Variants in DNAAF8 observed in about 807,000 individuals in gnomAD.
DNAAF8 encodes dynein axonemal assembly factor 8.
In DNAAF8, 61 loss-of-function variants were observed where a neutral mutation model predicts 54.6. The observed-to-expected ratio is 1.12, with a 90% CI of 0.91 to 1.38. DNAAF8 has a LOEUF of 1.38. DNAAF8 is among the 40% of genes most tolerant of loss of function. The probability of loss-of-function intolerance (pLI) is 0.00; values close to 1 mark genes in which losing one functional copy is unlikely to be tolerated. For missense variants in DNAAF8, 837 were observed against 665.0 expected (o/e 1.26, Z -2.85); for synonymous variants, 320 against 270.1 (o/e 1.18, Z -1.81).
Position 4,747,684 on chromosome 16 carries a change from C to T in DNAAF8, c.*9+50C>T, listed in dbSNP as rs185132079. On this transcript the variant is annotated intron_variant, in intron 9 of 9. Coordinates refer to ENST00000299320, the MANE Select transcript of DNAAF8 (RefSeq NM_139170.3). ...GGGGCGGGCTGACTTGCCATGGACCCTGGGCCCCGGTGTCCCCTTGTTGTT... is the reference window on the plus strand; with the variant it reads ...GGGGCGGGCTGACTTGCCATGGACCTTGGGCCCCGGTGTCCCCTTGTTGTT... 496 of 1,524,122 alleles carry T rather than the reference C, an allele frequency of 3.3e-4. 3 individuals are homozygous for T. The African/African-American group carries it at 6.1e-3, about 19-fold the overall frequency. 94.4% of individuals were successfully genotyped at this position (1,524,122 alleles called of 1,614,324 possible).
chr16:4,740,724 A>T, intron 4 of DNAAF8, 65 bp downstream of exon 4: 1 of 1,479,252 alleles, frequency 6.8e-7, no homozygotes. Context: ...TGCTGTTCCC[A>T]TGCACTGGAG....
chr16:4,744,814 T>C, intron 5 of DNAAF8, 56 bp from the exon 6 acceptor site: 2 of 1,564,914 alleles, frequency 1.3e-6, no homozygotes, highest in South Asian at 2.2e-5. Context: ...CCAGCTGCTG[T>C]AAGTCACAAG....
At chr16:4,745,936 G>C (rs1405888218) in intron 6 of DNAAF8, among the ~76,000 whole-genome samples, 2 of 134,946 alleles carry the variant, frequency 1.5e-5, no homozygotes, top group African/African-American at 2.7e-5. Context: ...CTGGGCGACA[G>C]AGCAAGACTC....
At position 4,737,950 on chromosome 16, in the gene DNAAF8, T is replaced by C. The variant is rs893682173; in HGVS notation, c.276+4T>C. 6.2e-7 allele frequency: 1 copy of C among 1,614,068 alleles called. No homozygotes were observed. Among genetic ancestry groups the C allele is most frequent in the African/African-American group, 1.3e-5 (1 of 75,056 alleles). On this transcript the variant is annotated splice_donor_region_variant and intron_variant, in intron 3 of 9. Transcript: ENST00000299320. ...AGCTGAAGAGTCCCTTCCCGAGGTC[T>C]GTGGGACACAGAAGAGTATACGCCT...
Position 4,747,527 on chromosome 16 carries a change from C to T in DNAAF8, c.1465C>T (p.Gln489Ter), listed in dbSNP as rs753925662. 2 of 1,613,118 alleles carry T rather than the reference C, an allele frequency of 1.2e-6. No individual in the cohort carries two copies. Among genetic ancestry groups the T allele is most frequent in the Non-Finnish European group, 1.7e-6 (2 of 1,179,884 alleles). Reference protein sequence around the residue: ...MKLCAKGQSAQARLPRGRPRA... With the variant: ...MKLCAKGQSA The stretch of plus-strand genomic sequence containing the variant: ...GCTCTGTGCCAAGGGGCAGAGCGCC[C>T]AGGCTCGACTCCCAAGAGGCAGGCC... Residue 489 changes from glutamine (Q) to a stop codon, truncating the protein, a stop_gained, in exon 9 of 10, where the codon CAG (glutamine) becomes TAG (stop). Transcript: ENST00000299320. LOFTEE classifies it high-confidence loss of function.
At chr16:4,742,034 A>G (rs1460428049) in intron 4 of DNAAF8, among the ~76,000 whole-genome samples, 1 of 152,098 alleles carries the variant, frequency 6.6e-6, no homozygotes, top group Non-Finnish European at 1.5e-5. Flanking sequence ...CTAAAAACTT[A>G]TTTTTCTCCA....
At chr16:4,746,270 A>G (rs2082016455) in intron 6 of DNAAF8, 105 bp from the exon 7 acceptor site, 4 of 1,236,836 alleles carry the variant, frequency 3.2e-6, no homozygotes. Flanking sequence ...GAGAGTGGGC[A>G]CTCACTGGGT....
In DNAAF8 at chr16:4,746,842, C is replaced by T. The variant is rs2082023397; in HGVS notation, c.1182-85C>T. The stretch of plus-strand genomic sequence containing the variant: ...CTGACCTCTTGCATTGGGTCACCAG[C>T]AAAGCCCGAGTGCTTCAAGCCCCAA... On this transcript the variant is annotated intron_variant, in intron 7 of 9. Coordinates refer to ENST00000299320, the MANE Select transcript of DNAAF8 (RefSeq NM_139170.3). 7 of 1,289,836 alleles carry T rather than the reference C, an allele frequency of 5.4e-6. No homozygotes were observed. The East Asian group carries it at 1.9e-4, about 34-fold the overall frequency. The allele number at this position is 1,289,836 out of a possible 1,614,324, so 79.9% of individuals were successfully genotyped here.
Position 4,740,237 on chromosome 16 carries a change from A to G in DNAAF8, c.361A>G (p.Arg121Gly), listed in dbSNP as rs1335532097. Residue 121 changes from arginine (R) to glycine (G), a missense_variant, in exon 4 of 10, where the codon AGA (arginine) becomes GGA (glycine). Arg to Gly is a moderately radical substitution (Grantham distance 125). Coordinates refer to ENST00000299320, the MANE Select transcript of DNAAF8 (RefSeq NM_139170.3). ...AAAGGATGCATCCTCTCAGGAAGGA[A>G]GAGACCCTGGCAGGCCTTTTGAAAG... ...RTKDASSQEGRDPGRPFESSG... is the reference protein window; with the variant it reads ...RTKDASSQEGGDPGRPFESSG... 1.2e-6 allele frequency: 2 copies of G among 1,614,062 alleles called. No homozygotes were observed. Among genetic ancestry groups the G allele is most frequent in the South Asian group, 2.2e-5 (2 of 91,076 alleles).
intron 5 of DNAAF8, 150 bp downstream of exon 5, chr16:4,743,310 C>T: frequency 1.7e-6 from 1 of 579,776 alleles, no homozygotes; most frequent in Non-Finnish European, 3.0e-6. Flanking sequence ...ACTCATGCTG[C>T]CAGTCCCCAA....
At chr16:4,743,951 CAG>C (rs1459047895) in intron 5 of DNAAF8, 11 of 113,076 alleles carry the variant, frequency 9.7e-5, no homozygotes, top group African/African-American at 2.8e-4. Context: ...TTTTTTGAGA[CAG>C]AGTTTCACTC....
chr16:4,742,969 G>C (rs1270549201), intron 4 of DNAAF8, 74 bp from the exon 5 acceptor site: 3 of 1,189,666 alleles, frequency 2.5e-6, no homozygotes, highest in East Asian at 4.8e-5. Flanking sequence ...ATGGGTCACA[G>C]CAGCTGTGAA....
chr16:4,737,758 C>A (rs1373652628), intron 2 of DNAAF8, 42 bp from the exon 3 acceptor site: 11 of 1,608,914 alleles, frequency 6.8e-6, no homozygotes, highest in African/African-American at 1.3e-5. Flanking sequence ...CAGGGCTCTG[C>A]CTGCTGCCTT....
intron 7 of DNAAF8, 28 bp downstream of exon 7, chr16:4,746,540 C>G (rs1046320717): frequency 1.9e-6 from 3 of 1,602,380 alleles, no homozygotes; most frequent in Non-Finnish European, 2.6e-6. Context: ...TACCCCATAC[C>G]AGCCTCTACT....
chr16:4,741,185 T>G (rs1241054530), intron 4 of DNAAF8, among the ~76,000 whole-genome samples: 2 of 142,768 alleles, frequency 1.4e-5, no homozygotes, highest in African/African-American at 2.6e-5. Context: ...AGTGAGCCGA[T>G]ATCGCACCAC....
chr16:4,746,935 A>G lies in DNAAF8; in HGVS notation c.1190A>G (p.His397Arg). 1 of 1,560,804 alleles carries G rather than the reference A, an allele frequency of 6.4e-7. No individual in the cohort carries two copies. Among genetic ancestry groups the G allele is most frequent in the Non-Finnish European group, 8.6e-7 (1 of 1,156,152 alleles). The change falls in exon 8 of 10, where the codon CAC becomes CGC. Residue 397 changes from histidine (H) to arginine (R), a missense_variant. By Grantham distance (29) the His-to-Arg change is conservative. Transcript: ENST00000299320. ...PDHLSPESSSHSSSDSEEEEE... is the reference protein window; with the variant it reads ...PDHLSPESSSRSSSDSEEEEE... ...CATTTCTCTCCCTGCAGCTCCAGCC[A>G]CAGCTCCTCTGACAGTGAGGAGGAG...
At chr16:4,736,418 C>T (rs2081902154) in intron 1 of DNAAF8, 46 bp from the exon 2 acceptor site, 7 of 1,309,460 alleles carry the variant, frequency 5.3e-6, no homozygotes, top group Non-Finnish European at 6.0e-6. Flanking sequence ...GCTCTCCTGA[C>T]CTTCAGTGGC....
At position 4,747,341 on chromosome 16, in the gene DNAAF8, A is replaced by G. The variant is rs763254563; in HGVS notation, c.1281-2A>G. 1.3e-6 allele frequency: 2 copies of G among 1,561,664 alleles called. No homozygotes were observed. Among genetic ancestry groups the G allele is most frequent in the South Asian group, 1.2e-5 (1 of 84,542 alleles). ...AGTGAATTTGGTCTCATTGTGTCAC[A>G]GGACCTGTACCGGGAAAAGCCAGCT... is the stretch of plus-strand genomic sequence containing the variant. On this transcript the variant is annotated splice_acceptor_variant, in intron 8 of 9. Coordinates refer to ENST00000299320, the MANE Select transcript of DNAAF8 (RefSeq NM_139170.3). LOFTEE classifies it high-confidence loss of function.
At position 4,747,054 on chromosome 16, in the gene DNAAF8, G is replaced by A. The variant is rs201265714; in HGVS notation, c.1280+29G>A. ...ACCACCCAGGGGCCTCTCGCCACCT[G>A]CAGATGTCCCACCTCTGCTTTCTGC... is the stretch of plus-strand genomic sequence containing the variant. On this transcript the variant is annotated intron_variant, in intron 8 of 9. Coordinates refer to ENST00000299320, the MANE Select transcript of DNAAF8 (RefSeq NM_139170.3). 3,913 of 1,502,282 alleles carry A rather than the reference G, an allele frequency of 2.6e-3. 7 individuals are homozygous for A. Among genetic ancestry groups the A allele is most frequent in the Non-Finnish European group, 3.1e-3 (3,546 of 1,127,420 alleles). The allele number at this position is 1,502,282 out of a possible 1,614,324, so 93.1% of individuals were successfully genotyped here. A position where few individuals can be genotyped will look rare whatever the true frequency, so the allele number is the denominator to read the frequency against.
Sources: gnomAD v4.1 joint callset for allele counts (sites outside exome capture counted in the v4.1 genomes callset) on GRCh38, gnomAD v4.1.1 for gene constraint, MANE v1.5 for transcripts, NCBI Gene and HGNC (gene_info 2026-07-23, HGNC 2026-07-21) for gene names.